Variants in ALMS1 observed in about 807,000 individuals in gnomAD.
ALMS1 encodes the protein ALMS1 centrosome and basal body associated protein.
A neutral mutation model predicts 352.2 loss-of-function variants in ALMS1; 271 were observed. The ratio of observed to expected loss-of-function variants is 0.77; its 90% CI spans 0.70 to 0.85. The LOEUF (loss-of-function observed/expected upper bound fraction) is 0.85, where lower values mean the gene tolerates loss of function less well. Among genes scored for constraint, ALMS1 ranks in the 40% least tolerant of loss-of-function variants. The pLI, the probability that ALMS1 is intolerant of heterozygous loss-of-function variation, is 0.00. For synonymous variants in ALMS1, 1,865 were observed against 1,761.2 expected (o/e 1.06, Z -1.48); for missense variants, 5,445 against 4,870.7 (o/e 1.12, Z -3.51).
At chr2:73,457,298 C>T (rs1412614242) in intron 9 of ALMS1, 2 of 152,226 alleles carry the variant, frequency 1.3e-5, no homozygotes, top group Admixed American at 1.3e-4. Flanking sequence ...GTGGCATGAT[C>T]TTGGCTCACT....
intron 3 of ALMS1, 30 bp downstream of exon 3, chr2:73,419,348 A>G (rs975318928): frequency 1.3e-6 from 2 of 1,599,220 alleles, no homozygotes; most frequent in Non-Finnish European, 1.7e-6. Context: ...ACTAGTAGTA[A>G]TACCTCACAT....
chr2:73,551,855 A>G (rs1268690797), intron 13 of ALMS1, among the ~76,000 whole-genome samples: 1 of 152,130 alleles, frequency 6.6e-6, no homozygotes, highest in Non-Finnish European at 1.5e-5. Flanking sequence ...CTGTGTGTAT[A>G]ATTGCCTGTG....
At chr2:73,587,754 A>G (rs1675341860) in intron 16 of ALMS1, among the ~76,000 whole-genome samples, 1 of 152,190 alleles carries the variant, frequency 6.6e-6, no homozygotes, top group South Asian at 2.1e-4. Context: ...AAGATAAACA[A>G]AATTGGTAGA....
At chr2:73,521,189 T>C (rs1244013167) in intron 11 of ALMS1, among the ~76,000 whole-genome samples, 1 of 152,224 alleles carries the variant, frequency 6.6e-6, no homozygotes, top group Non-Finnish European at 1.5e-5. Flanking sequence ...AACACCTTTA[T>C]GTGTTGGTTA....
At position 73,450,763 on chromosome 2, in the gene ALMS1, T is replaced by C; in HGVS notation, c.4236T>C (p.Pro1412=). The C allele has an allele frequency of 3.7e-6, 6 of 1,613,220 alleles. No individual in the cohort carries two copies. The highest frequency in any genetic ancestry group is 4.2e-6 in the Non-Finnish European group (5 of 1,179,612). Residue 1412 remains proline, a synonymous_variant, in exon 8 of 23, where the codon CCT becomes CCC. Transcript: ENST00000613296. ...TEEAKNVSAV[P]GPGDRKTGIP... ...AGGCTAAGAACGTTTCAGCGGTTCCTGGACCAGGTGACCGGAAGACTGGGA... is the reference window on the plus strand; with the variant it reads ...AGGCTAAGAACGTTTCAGCGGTTCCCGGACCAGGTGACCGGAAGACTGGGA...
chr2:73,547,818 CAGTT>C (rs1674353127), intron 12 of ALMS1, among the ~76,000 whole-genome samples: 1 of 152,158 alleles, frequency 6.6e-6, no homozygotes, highest in South Asian at 2.1e-4. Flanking sequence ...GTAGAGACAC[CAGTT>C]AGTTAGAAGG....
chr2:73,445,167 C>T (rs1671785839), intron 7 of ALMS1, among the ~76,000 whole-genome samples: 2 of 152,014 alleles, frequency 1.3e-5, no homozygotes, highest in Non-Finnish European at 1.5e-5. Context: ...TATTTTGACA[C>T]AAACATACGA....
chr2:73,574,276 T>A (rs186983061), intron 16 of ALMS1, among the ~76,000 whole-genome samples: 15 of 152,296 alleles, frequency 9.8e-5, no homozygotes, highest in African/African-American at 3.6e-4. Context: ...AAGGGGTCAA[T>A]AAATGTAGGC....
chr2:73,559,594 C>G (rs1166023881), intron 15 of ALMS1, among the ~76,000 whole-genome samples: 2 of 152,114 alleles, frequency 1.3e-5, no homozygotes, highest in Admixed American at 1.3e-4. Flanking sequence ...GAACACAAGA[C>G]ATTACTACCT....
At chr2:73,569,798 A>C (rs1224712342) in intron 15 of ALMS1, among the ~76,000 whole-genome samples, 1 of 152,168 alleles carries the variant, frequency 6.6e-6, no homozygotes, top group Non-Finnish European at 1.5e-5. Flanking sequence ...GCACAACTAT[A>C]GTATAGTTAT....
intron 13 of ALMS1, among the ~76,000 whole-genome samples, chr2:73,555,181 G>C (rs966621926): frequency 1.3e-5 from 2 of 152,100 alleles, no homozygotes; most frequent in East Asian, 3.8e-4. Context: ...TATATTTAAA[G>C]AATAAGATAA....
chr2:73,463,872 T>C (rs1672264383), intron 9 of ALMS1, among the ~76,000 whole-genome samples: 2 of 151,404 alleles, frequency 1.3e-5, no homozygotes, highest in South Asian at 4.2e-4. Flanking sequence ...CTTTGACACA[T>C]ACACCCTCCC....
Position 73,416,515 on chromosome 2 carries a change from G to T in ALMS1, c.451-2608G>T, listed in dbSNP as rs189169059. 6.6e-5 allele frequency among the ~76,000 whole-genome samples: 10 copies of T among 152,196 alleles called. No individual in the cohort carries two copies. In the East Asian group the frequency reaches 1.9e-3, roughly 29 times the overall value. On this transcript the variant is annotated intron_variant, in intron 2 of 22. Coordinates refer to ENST00000613296, the MANE Select transcript of ALMS1 (RefSeq NM_001378454.1). ...CTTACTATATGAACATTTTGTTAATGAATTTTAAATATTAGAAATGTCTCT... is the reference window on the plus strand; with the variant it reads ...CTTACTATATGAACATTTTGTTAATTAATTTTAAATATTAGAAATGTCTCT...
Position 73,489,696 on chromosome 2 carries a change from T to C in ALMS1, c.7737T>C (p.Ile2579=), listed in dbSNP as rs1382859597. 3 of 1,614,124 alleles carry C rather than the reference T, an allele frequency of 1.9e-6. No homozygotes were observed. The highest frequency in any genetic ancestry group is 2.5e-6 in the Non-Finnish European group (3 of 1,180,024). Residue 2579 remains isoleucine, a synonymous_variant, in exon 10 of 23, where the codon ATT becomes ATC. Coordinates refer to ENST00000613296, the MANE Select transcript of ALMS1 (RefSeq NM_001378454.1). ...AAGCTGTATGTAGTCACATTATTATTGAGAGCCATGAAAAGGGATGTTTCC... is the reference window on the plus strand; with the variant it reads ...AAGCTGTATGTAGTCACATTATTATCGAGAGCCATGAAAAGGGATGTTTCC... ...KPEAVCSHII[I]ESHEKGCFRT...
At chr2:73,561,186 C>T (rs547610850) in intron 15 of ALMS1, among the ~76,000 whole-genome samples, 1 of 152,342 alleles carries the variant, frequency 6.6e-6, no homozygotes, top group East Asian at 1.9e-4. Context: ...ACTATGGTGC[C>T]CAGGCAGCTG....
chr2:73,415,554 A>C (rs1216070892), intron 2 of ALMS1, among the ~76,000 whole-genome samples: 3 of 152,170 alleles, frequency 2.0e-5, no homozygotes, highest in Non-Finnish European at 4.4e-5. Context: ...CTCCTGCTCT[A>C]CAATTATTGA....
intron 15 of ALMS1, among the ~76,000 whole-genome samples, chr2:73,566,103 C>T (rs534138295): frequency 6.6e-6 from 1 of 152,212 alleles, no homozygotes; most frequent in Admixed American, 6.5e-5. Flanking sequence ...TATAGGTAAT[C>T]ATCTGTACTG....
At chr2:73,582,956 T>C (rs1490929243) in intron 16 of ALMS1, among the ~76,000 whole-genome samples, 3 of 152,140 alleles carry the variant, frequency 2.0e-5, no homozygotes, top group Admixed American at 1.3e-4. Context: ...GCCTCAACAC[T>C]GTTTTCCCTA....
At chr2:73,438,850 C>T (rs551687051) in intron 7 of ALMS1, among the ~76,000 whole-genome samples, 23 of 151,872 alleles carry the variant, frequency 1.5e-4, no homozygotes, top group South Asian at 8.4e-4. Context: ...TTTTGTTGCA[C>T]GAACATTTAG....
Sources: gnomAD v4.1 joint callset for allele counts (sites outside exome capture counted in the v4.1 genomes callset) on GRCh38, gnomAD v4.1.1 for gene constraint, MANE v1.5 for transcripts, NCBI Gene and HGNC (gene_info 2026-07-23, HGNC 2026-07-21) for gene names.